Variants in ARHGAP21 observed in about 807,000 individuals in gnomAD.
ARHGAP21 encodes the protein Rho GTPase activating protein 21.
In ARHGAP21, 38 loss-of-function variants were observed where a neutral mutation model predicts 164.6. The ratio of observed to expected loss-of-function variants is 0.23; its 90% CI spans 0.18 to 0.30. The LOEUF is 0.30. Ranked by LOEUF, ARHGAP21 falls within the 10% of genes least tolerant of loss-of-function variation. The pLI is 1.00. For missense variants in ARHGAP21, 1,822 were observed against 2,370.7 expected (o/e 0.77, Z 4.81); for synonymous variants, 766 against 857.9 (o/e 0.89, Z 1.87).
intron 4 of ARHGAP21, among the ~76,000 whole-genome samples, chr10:24,659,072 C>G (rs1274527099): frequency 6.6e-6 from 1 of 152,200 alleles, no homozygotes; most frequent in East Asian, 1.9e-4. Flanking sequence ...TTAGAACCCT[C>G]ATTCATTGCT....
At chr10:24,662,152 C>T (rs1839760777) in intron 4 of ARHGAP21, among the ~76,000 whole-genome samples, 2 of 152,202 alleles carry the variant, frequency 1.3e-5, no homozygotes, top group Non-Finnish European at 2.9e-5. Flanking sequence ...ATCTCCTTGA[C>T]CTTTCTCCAT....
intron 15 of ARHGAP21, 109 bp downstream of exon 15, chr10:24,597,836 T>C: frequency 5.7e-6 from 7 of 1,234,630 alleles, no homozygotes; most frequent in Non-Finnish European, 8.0e-6. Context: ...TGGTACTATC[T>C]GCGGTTTCAA....
intron 2 of ARHGAP21, among the ~76,000 whole-genome samples, chr10:24,671,922 G>T (rs922835598): frequency 7.0e-5 from 9 of 127,786 alleles, no homozygotes; most frequent in African/African-American, 2.7e-4. Context: ...TAGAGACAAG[G>T]TCTCACTATG....
intron 2 of ARHGAP21, among the ~76,000 whole-genome samples, chr10:24,713,025 A>G (rs956227140): frequency 6.6e-6 from 1 of 152,226 alleles, no homozygotes; most frequent in Non-Finnish European, 1.5e-5. Context: ...CACACTAGCT[A>G]TGCCACATTC....
intron 2 of ARHGAP21, among the ~76,000 whole-genome samples, chr10:24,711,029 G>C (rs1333767406): frequency 1.4e-5 from 2 of 147,738 alleles, no homozygotes; most frequent in Non-Finnish European, 3.0e-5. Context: ...GAGAGGCAGA[G>C]GTTGCAGTGA....
intron 2 of ARHGAP21, among the ~76,000 whole-genome samples, chr10:24,719,811 A>G (rs1249797453): frequency 6.6e-6 from 1 of 152,220 alleles, no homozygotes; most frequent in African/African-American, 2.4e-5. Context: ...TATCAGAAGC[A>G]TCAATCACAG....
intron 24 of ARHGAP21, 65 bp downstream of exon 24, chr10:24,591,160 G>GT: frequency 1.6e-6 from 2 of 1,288,896 alleles, no homozygotes; most frequent in South Asian, 2.7e-5. Flanking sequence ...TGATTGATTT[G>GT]CTCTTTCATA....
intron 4 of ARHGAP21, among the ~76,000 whole-genome samples, chr10:24,648,493 A>G (rs1172485719): frequency 1.3e-5 from 2 of 152,216 alleles, no homozygotes; most frequent in Admixed American, 6.5e-5. Context: ...TACATATCAT[A>G]GGTCAGCCGG....
intron 4 of ARHGAP21, among the ~76,000 whole-genome samples, chr10:24,653,334 G>A (rs1348331645): frequency 6.6e-6 from 1 of 152,122 alleles, no homozygotes; most frequent in Non-Finnish European, 1.5e-5. Flanking sequence ...CAGCACTTTG[G>A]GAGGCCAAGG....
chr10:24,722,203 C>T lies in ARHGAP21; in HGVS notation c.-304G>A, dbSNP rs182893406. On this transcript the variant is annotated 5_prime_UTR_variant, in exon 2 of 26. Transcript: ENST00000396432. ...GCCAATTGCAGAAAGCGGTCCCCTT[C>T]TTCCCAGTGCCACTCCTGAGTCCTG... The T allele has an allele frequency of 1.8e-3, 748 of 418,668 alleles. 2 individuals carry two copies. The highest frequency in any genetic ancestry group is 4.4e-3 in the Middle Eastern group (6 of 1,374). 25.9% of individuals were successfully genotyped at this position (418,668 alleles called of 1,614,324 possible).
intron 4 of ARHGAP21, among the ~76,000 whole-genome samples, chr10:24,651,147 G>T (rs1838123305): frequency 6.6e-6 from 1 of 152,140 alleles, no homozygotes; most frequent in African/African-American, 2.4e-5. Flanking sequence ...CTTGCCGAGG[G>T]GAAGACTGTG....
chr10:24,673,588 G>T (rs868572482), intron 2 of ARHGAP21, among the ~76,000 whole-genome samples: 3 of 152,192 alleles, frequency 2.0e-5, no homozygotes, highest in Non-Finnish European at 4.4e-5. Context: ...TAGGCCGGCC[G>T]TGGTGGCTCA....
chr10:24,655,607 C>T (rs1398421545), intron 4 of ARHGAP21, among the ~76,000 whole-genome samples: 4 of 151,292 alleles, frequency 2.6e-5, no homozygotes, highest in African/African-American at 4.9e-5. Flanking sequence ...CCCAAAGTGC[C>T]GAGATTGCAG....
At chr10:24,668,242 TTTCA>T in intron 3 of ARHGAP21, among the ~76,000 whole-genome samples, 1 of 152,226 alleles carries the variant, frequency 6.6e-6, no homozygotes, top group Non-Finnish European at 1.5e-5. Flanking sequence ...AATAGCATCA[TTTCA>T]TTCAAAGTTG....
intron 7 of ARHGAP21, 49 bp downstream of exon 7, chr10:24,629,947 G>A (rs763915115): frequency 2.0e-5 from 26 of 1,290,954 alleles, no homozygotes; most frequent in African/African-American, 6.0e-5. Context: ...AATATTTTCC[G>A]AACATTCATG....
intron 4 of ARHGAP21, 85 bp downstream of exon 4, chr10:24,666,900 T>C (rs1840248467): frequency 2.0e-6 from 2 of 985,612 alleles, no homozygotes; most frequent in African/African-American, 3.4e-5. Flanking sequence ...CCAAAAATTA[T>C]ATCATCTCAT....
chr10:24,612,320 AAG>A (rs796078023), intron 9 of ARHGAP21, among the ~76,000 whole-genome samples: 3 of 152,318 alleles, frequency 2.0e-5, no homozygotes, highest in African/African-American at 7.2e-5. Context: ...ATATTGCAAA[AAG>A]AGGGGTAAAT....
intron 2 of ARHGAP21, among the ~76,000 whole-genome samples, chr10:24,709,753 A>C (rs1401508736): frequency 6.6e-6 from 1 of 150,920 alleles, no homozygotes; most frequent in Non-Finnish European, 1.5e-5. Context: ...AAAAAAAAAA[A>C]ACAATCCAGA....
chr10:24,703,818 C>T (rs542201444), intron 2 of ARHGAP21, among the ~76,000 whole-genome samples: 1 of 152,290 alleles, frequency 6.6e-6, no homozygotes, highest in Non-Finnish European at 1.5e-5. Flanking sequence ...TCCTTGATTA[C>T]TGCTTAGCTT....
Sources: gnomAD v4.1 joint callset for allele counts (sites outside exome capture counted in the v4.1 genomes callset) on GRCh38, gnomAD v4.1.1 for gene constraint, MANE v1.5 for transcripts, NCBI Gene and HGNC (gene_info 2026-07-23, HGNC 2026-07-21) for gene names.